ZNF248: variants seen among roughly 807,000 people sequenced by gnomAD.
ZNF248 encodes KRAB protein domain.
A neutral mutation model predicts 44.3 loss-of-function variants in ZNF248; 20 were observed. That is an observed-to-expected ratio of 0.45 (90% CI 0.32 to 0.66). The LOEUF is 0.66. Among genes scored for constraint, ZNF248 ranks in the 30% least tolerant of loss-of-function variants. The pLI is 0.04. For missense variants in ZNF248, 654 were observed against 677.0 expected (o/e 0.97, Z 0.38); for synonymous variants, 224 against 229.0 (o/e 0.98, Z 0.20).
chr10:37,799,907 T>C (rs2049594027), intron 6 of ZNF248, among the ~76,000 whole-genome samples: 1 of 152,078 alleles, frequency 6.6e-6, no homozygotes, highest in Admixed American at 6.6e-5. Flanking sequence ...TTTTCTAGTA[T>C]TAAAAAATAC....
At chr10:37,819,634 C>T (rs1398345542) in intron 6 of ZNF248, 8 of 815,452 alleles carry the variant, frequency 9.8e-6, no homozygotes, top group African/African-American at 5.0e-5. Flanking sequence ...CCCTTTCTAG[C>T]CTTTCCAGCT....
At chr10:37,773,440 GA>G (rs2046348531), downstream of ZNF248, among the ~76,000 whole-genome samples, 2 of 152,282 alleles carry the variant, frequency 1.3e-5, no homozygotes, top group South Asian at 4.1e-4. Flanking sequence ...GTCACTGTTG[GA>G]GGGACATAAA....
intron 3 of ZNF248, among the ~76,000 whole-genome samples, chr10:37,839,337 C>T (rs1311917460): frequency 2.0e-5 from 3 of 152,026 alleles, no homozygotes; most frequent in African/African-American, 7.2e-5. Flanking sequence ...AAATCATAGC[C>T]ATAAGTATGA....
chr10:37,826,137 T>C (rs1300517004), downstream of ZNF248, among the ~76,000 whole-genome samples: 4 of 152,270 alleles, frequency 2.6e-5, no homozygotes, highest in East Asian at 1.9e-4. Context: ...TAATCGCGTA[T>C]TGTAAATGAG....
At chr10:37,828,739 A>G (rs932172982), downstream of ZNF248, 1 of 985,300 alleles carries the variant, frequency 1.0e-6, no homozygotes, top group Non-Finnish European at 1.2e-6. Flanking sequence ...AACTAACACA[A>G]GAAAGGGTGA....
At chr10:37,852,203 T>G (rs2060394649) in intron 3 of ZNF248, among the ~76,000 whole-genome samples, 1 of 151,702 alleles carries the variant, frequency 6.6e-6, no homozygotes, top group Admixed American at 6.6e-5. Flanking sequence ...GCCGAGATCT[T>G]GCCATTGCAC....
intron 6 of ZNF248, among the ~76,000 whole-genome samples, chr10:37,816,709 G>A (rs750729882): frequency 8.5e-5 from 13 of 152,210 alleles, no homozygotes; most frequent in African/African-American, 1.4e-4. Flanking sequence ...ATTCAAATAA[G>A]GTCAGTTCAT....
intron 6 of ZNF248, chr10:37,803,823 C>T (rs1487174596): frequency 6.5e-6 from 1 of 152,738 alleles, no homozygotes; most frequent in Non-Finnish European, 1.5e-5. Flanking sequence ...AAATGCTGGA[C>T]AAGGCTTACC....
At chr10:37,815,983 C>T (rs1429471633) in intron 6 of ZNF248, among the ~76,000 whole-genome samples, 4 of 121,632 alleles carry the variant, frequency 3.3e-5, no homozygotes, top group African/African-American at 6.3e-5. Flanking sequence ...TTTCTGGTTC[C>T]GATAATGGAA....
the ZNF248 span, among the ~76,000 whole-genome samples, chr10:37,763,101 G>C: frequency 7.2e-4 from 110 of 152,314 alleles, no homozygotes; most frequent in African/African-American, 2.5e-3. Flanking sequence ...ACTGAACAAA[G>C]GAGGGTGAAT....
At chr10:37,819,281 C>T (rs2053075187) in intron 6 of ZNF248, 1 of 931,888 alleles carries the variant, frequency 1.1e-6, no homozygotes, top group South Asian at 1.3e-5. Context: ...ATTTCCCTCA[C>T]AGTATTCTAA....
intron 3 of ZNF248, among the ~76,000 whole-genome samples, chr10:37,853,132 A>C (rs986725865): frequency 1.3e-5 from 2 of 151,966 alleles, no homozygotes; most frequent in Admixed American, 6.6e-5. Context: ...GGCGTGAGCC[A>C]CCGTGCCAGG....
At chr10:37,774,173 G>C (rs2046403125), downstream of ZNF248, among the ~76,000 whole-genome samples, 1 of 152,114 alleles carries the variant, frequency 6.6e-6, no homozygotes, top group Non-Finnish European at 1.5e-5. Context: ...GTCTACTCTA[G>C]ATCTGTCAAC....
chr10:37,843,142 G>C (rs2058657264), intron 3 of ZNF248, among the ~76,000 whole-genome samples: 1 of 152,110 alleles, frequency 6.6e-6, no homozygotes, highest in South Asian at 2.1e-4. Flanking sequence ...AAGGAAACCA[G>C]ACTATAAAAA....
intron 6 of ZNF248, among the ~76,000 whole-genome samples, chr10:37,801,579 TA>T (rs1644624311): frequency 6.6e-6 from 1 of 152,016 alleles, no homozygotes; most frequent in Non-Finnish European, 1.5e-5. Flanking sequence ...ACAAGAGCCT[TA>T]AAAATAATAT....
intron 6 of ZNF248, among the ~76,000 whole-genome samples, chr10:37,807,154 A>AT (rs2050701955): frequency 1.3e-5 from 2 of 151,640 alleles, no homozygotes; most frequent in African/African-American, 4.8e-5. Context: ...CTCCAGCATC[A>AT]TTTTTTTAAG....
chr10:37,813,853 A>T lies in ZNF248; in HGVS notation c.330+19172T>A, dbSNP rs143309248. ...TGCACTCACTCCTGCTCTTTTTACA[A>T]CTTGCATGGGATATCTCTTTTCATT... is the stretch of plus-strand genomic sequence containing the variant. On this transcript the variant is annotated intron_variant, in intron 6 of 6. Coordinates refer to the ZNF248 transcript ENST00000615949. 1.1e-4 allele frequency among the ~76,000 whole-genome samples: 16 copies of T among 152,042 alleles called. No homozygotes were observed. The East Asian group carries it at 2.5e-3, about 24-fold the overall frequency.
At chr10:37,821,168 A>G (rs2053399309) in intron 6 of ZNF248, among the ~76,000 whole-genome samples, 1 of 152,020 alleles carries the variant, frequency 6.6e-6, no homozygotes, top group African/African-American at 2.4e-5. Context: ...CTATAAAAGC[A>G]CAGAGTTTTG....
chr10:37,812,933 A>C (rs1484739458), intron 6 of ZNF248, among the ~76,000 whole-genome samples: 1 of 152,052 alleles, frequency 6.6e-6, no homozygotes, highest in Non-Finnish European at 1.5e-5. Flanking sequence ...CCTTCTGGAG[A>C]AAACTATATC....
Sources: gnomAD v4.1 joint callset for allele counts (sites outside exome capture counted in the v4.1 genomes callset) on GRCh38, gnomAD v4.1.1 for gene constraint, MANE v1.5 for transcripts, NCBI Gene and HGNC (gene_info 2026-07-23, HGNC 2026-07-21) for gene names.